MSH3: variants seen among roughly 807,000 people sequenced by gnomAD.
MSH3 encodes mutS homolog 3.
In MSH3, 106 loss-of-function variants were observed where a neutral mutation model predicts 123.3. That is an observed-to-expected ratio of 0.86 (90% CI 0.73 to 1.01). The LOEUF is 1.01. MSH3 is among the 50% of genes least tolerant of loss of function. The pLI is 0.00. For missense variants in MSH3, 1,459 were observed against 1,347.6 expected, an observed-to-expected ratio of 1.08 and a Z score of -1.29; for synonymous variants, 515 against 481.4, an observed-to-expected ratio of 1.07 and a Z score of -0.91.
chr5:80,691,849 A>G (rs10036806), intron 8 of MSH3, among the ~76,000 whole-genome samples: 75,829 of 108,738 alleles, frequency 0.7, 27,848 homozygotes, highest in African/African-American at 0.76. Context: ...ACATGTATAT[A>G]TTTATATAGC....
chr5:80,750,449 T>C (rs1268421566), intron 12 of MSH3, among the ~76,000 whole-genome samples: 2 of 152,174 alleles, frequency 1.3e-5, no homozygotes, highest in Non-Finnish European at 1.5e-5. Flanking sequence ...AGGTGACCTA[T>C]TGTGGTTTTA....
chr5:80,756,925 A>G (rs1743936721), intron 12 of MSH3, among the ~76,000 whole-genome samples: 1 of 152,198 alleles, frequency 6.6e-6, no homozygotes, highest in East Asian at 1.9e-4. Context: ...TAGGTAGTTC[A>G]TTTAGCCATT....
At chr5:80,803,794 T>TG (rs1253217340) in intron 19 of MSH3, among the ~76,000 whole-genome samples, 2 of 152,096 alleles carry the variant, frequency 1.3e-5, no homozygotes, top group Non-Finnish European at 2.9e-5. Context: ...CTTCTGCATA[T>TG]GGGGGTATTG....
At chr5:80,691,946 T>TAG (rs1750273129) in intron 8 of MSH3, among the ~76,000 whole-genome samples, 1 of 124,090 alleles carries the variant, frequency 8.1e-6, no homozygotes, top group Non-Finnish European at 1.7e-5. Context: ...TGTATATGTT[T>TAG]ATATAGATAA....
At chr5:80,777,531 T>C (rs1744327161) in intron 16 of MSH3, among the ~76,000 whole-genome samples, 2 of 152,204 alleles carry the variant, frequency 1.3e-5, no homozygotes, top group South Asian at 4.1e-4. Flanking sequence ...TATGTTGGCC[T>C]AGAAGTCTAG....
chr5:80,667,143 C>T (rs1175437352), intron 3 of MSH3, among the ~76,000 whole-genome samples: 1 of 152,118 alleles, frequency 6.6e-6, no homozygotes, highest in East Asian at 1.9e-4. Flanking sequence ...TAATTGTTAG[C>T]ATCCCATAAG....
At chr5:80,752,756 A>G (rs1743859604) in intron 12 of MSH3, among the ~76,000 whole-genome samples, 1 of 152,192 alleles carries the variant, frequency 6.6e-6, no homozygotes, top group African/African-American at 2.4e-5. Context: ...CAGTGTAATT[A>G]TTAGTAGGGA....
At chr5:80,860,032 C>G (rs944902033) in intron 21 of MSH3, among the ~76,000 whole-genome samples, 1 of 152,088 alleles carries the variant, frequency 6.6e-6, no homozygotes, top group Admixed American at 6.5e-5. Context: ...TTTTTAATAA[C>G]AAAATAATCC....
At chr5:80,771,517 T>G (rs1452341493) in intron 15 of MSH3, among the ~76,000 whole-genome samples, 1 of 151,990 alleles carries the variant, frequency 6.6e-6, no homozygotes, top group Non-Finnish European at 1.5e-5. Flanking sequence ...CTCAAATTAT[T>G]TAGAGGTACT....
rs577547827 is a variant in MSH3, at chr5:80,727,705, A to G, written c.1454-1146A>G. Among the ~76,000 whole-genome samples the G allele has an allele frequency of 2.6e-4, 39 of 152,356 alleles. 1 individual carries two copies. The highest frequency in any genetic ancestry group is 8.9e-4 in the African/African-American group (37 of 41,584). On this transcript the variant is annotated intron_variant, in intron 9 of 23. Transcript: ENST00000265081. ...CCAGGCATTGGGCATACAATAAGGA[A>G]TAAAACAGACAAAAATTCCTGCTCT...
chr5:80,669,668 T>C (rs1198845326), intron 3 of MSH3, among the ~76,000 whole-genome samples: 2 of 152,216 alleles, frequency 1.3e-5, no homozygotes, highest in Non-Finnish European at 2.9e-5. Context: ...AGTGCAGCTT[T>C]ATCTGTTGGC....
At chr5:80,655,003 G>C in intron 1 of MSH3, 39 bp downstream of exon 1, 1 of 1,230,634 alleles carries the variant, frequency 8.1e-7, no homozygotes, top group Non-Finnish European at 1.1e-6. Context: ...CATCGGGGCT[G>C]GGGGGGCGGG....
intron 13 of MSH3, among the ~76,000 whole-genome samples, chr5:80,762,281 A>T (rs542826867): frequency 6.6e-6 from 1 of 152,106 alleles, no homozygotes; most frequent in African/African-American, 2.4e-5. Context: ...AAATGATAAA[A>T]CACTATAAAC....
intron 12 of MSH3, chr5:80,746,783 C>T: frequency 2.6e-6 from 1 of 389,828 alleles, no homozygotes; most frequent in South Asian, 2.3e-5. Flanking sequence ...CATCAAATAT[C>T]TCCGCATCAA....
intron 8 of MSH3, among the ~76,000 whole-genome samples, chr5:80,688,553 T>C (rs1400863513): frequency 6.6e-6 from 1 of 152,210 alleles, no homozygotes; most frequent in Non-Finnish European, 1.5e-5. Context: ...TATTACTTTA[T>C]GTTATTGTAC....
intron 8 of MSH3, among the ~76,000 whole-genome samples, chr5:80,714,130 C>CTTTTTTTTT (rs34918629): frequency 4.7e-5 from 4 of 85,820 alleles, no homozygotes; most frequent in African/African-American, 4.8e-5. Flanking sequence ...TTCAAATAGA[C>CTTTTTTTTT]TTTTTTTTTT....
chr5:80,861,269 T>A (rs908752363), intron 21 of MSH3, among the ~76,000 whole-genome samples: 5 of 152,206 alleles, frequency 3.3e-5, no homozygotes, highest in African/African-American at 1.2e-4. Flanking sequence ...AAGGAACTGC[T>A]GTAAGTTAGG....
At chr5:80,790,396 C>A (rs1299934664) in intron 18 of MSH3, among the ~76,000 whole-genome samples, 1 of 152,116 alleles carries the variant, frequency 6.6e-6, no homozygotes, top group South Asian at 2.1e-4. Context: ...AAAACTTACT[C>A]TGTCTTACAC....
chr5:80,853,489 A>G (rs1477028527), intron 20 of MSH3, among the ~76,000 whole-genome samples: 1 of 151,954 alleles, frequency 6.6e-6, no homozygotes, highest in South Asian at 2.1e-4. Context: ...AAAAAAAAGC[A>G]CAATATGTAG....
Sources: gnomAD v4.1 joint callset for allele counts (sites outside exome capture counted in the v4.1 genomes callset) on GRCh38, gnomAD v4.1.1 for gene constraint, MANE v1.5 for transcripts, NCBI Gene and HGNC (gene_info 2026-07-23, HGNC 2026-07-21) for gene names.